The following ARHGAP24 variants were observed in gnomAD, a reference collection of about 807,000 sequenced individuals.
The protein encoded by ARHGAP24 is rho GTPase-activating protein 24.
A neutral mutation model predicts 76.4 loss-of-function variants in ARHGAP24; 50 were observed. The ratio of observed to expected loss-of-function variants is 0.65; its 90% CI spans 0.52 to 0.83. The LOEUF (loss-of-function observed/expected upper bound fraction) is 0.83, where lower values mean the gene tolerates loss of function less well. ARHGAP24 is among the 40% of genes least tolerant of loss of function. ARHGAP24 has a pLI of 0.00. For synonymous variants in ARHGAP24, 345 were observed against 323.3 expected (o/e 1.07, Z -0.72); for missense variants, 930 against 914.2 (o/e 1.02, Z -0.22).
At chr4:85,586,410 T>G (rs1200301673) in intron 2 of ARHGAP24, among the ~76,000 whole-genome samples, 3 of 152,234 alleles carry the variant, frequency 2.0e-5, no homozygotes, top group Non-Finnish European at 4.4e-5. Context: ...GAATACAGTT[T>G]CATGGTGACA....
At chr4:85,912,828 G>T (rs1448840045) in intron 3 of ARHGAP24, among the ~76,000 whole-genome samples, 2 of 152,020 alleles carry the variant, frequency 1.3e-5, no homozygotes, top group African/African-American at 2.4e-5. Flanking sequence ...CCCAGGTAGA[G>T]TTGTAAAGAA....
intron 3 of ARHGAP24, among the ~76,000 whole-genome samples, chr4:85,841,401 T>C (rs947573866): frequency 6.6e-6 from 1 of 152,228 alleles, no homozygotes; most frequent in Non-Finnish European, 1.5e-5. Context: ...TCTAAACTTA[T>C]CTTAGATAAG....
intron 2 of ARHGAP24, among the ~76,000 whole-genome samples, chr4:85,702,380 A>G (rs1417479047): frequency 2.0e-5 from 3 of 152,232 alleles, no homozygotes; most frequent in Non-Finnish European, 4.4e-5. Context: ...AGAATAATGC[A>G]TACCTTAAAA....
At chr4:85,568,108 C>T (rs1726920504) in intron 1 of ARHGAP24, among the ~76,000 whole-genome samples, 3 of 152,230 alleles carry the variant, frequency 2.0e-5, no homozygotes, top group Admixed American at 2.0e-4. Context: ...CTCACTAAGG[C>T]ATTAATGTAC....
chr4:85,796,204 A>ACG (rs1491283259), intron 3 of ARHGAP24, among the ~76,000 whole-genome samples: 1 of 27,804 alleles, frequency 3.6e-5, no homozygotes, highest in African/African-American at 1.1e-4. Context: ...TATACCTACT[A>ACG]CACACACACA....
rs116062172 is a variant in ARHGAP24 at position 85,644,609 on chromosome 4, G to T, written c.180+73888G>T. On this transcript the variant is annotated intron_variant, in intron 2 of 9. Transcript: ENST00000395184. ...GAATATATCATGTTAATCTTTATTT[G>T]ATATTAAAATAATTGTTAAGATTAC... Among the ~76,000 whole-genome samples the T allele has an allele frequency of 4.9e-3, 751 of 152,100 alleles. 5 individuals are homozygous for T. The highest frequency in any genetic ancestry group is 0.017 in the African/African-American group (713 of 41,516).
intron 3 of ARHGAP24, among the ~76,000 whole-genome samples, chr4:85,737,996 C>T (rs1430558173): frequency 6.6e-6 from 1 of 152,140 alleles, no homozygotes; most frequent in Admixed American, 6.5e-5. Flanking sequence ...TCTCGGCTCA[C>T]TGCAACCTCC....
intron 1 of ARHGAP24, among the ~76,000 whole-genome samples, chr4:85,553,133 CA>C (rs773466498): frequency 1.3e-5 from 2 of 152,040 alleles, no homozygotes; most frequent in Non-Finnish European, 2.9e-5. Context: ...TCATTCCTCC[CA>C]GTGGGTTTGT....
chr4:85,949,087 G>A (rs974524478), intron 5 of ARHGAP24, among the ~76,000 whole-genome samples: 4 of 152,132 alleles, frequency 2.6e-5, no homozygotes, highest in African/African-American at 4.8e-5. Flanking sequence ...CCAAGTTGCC[G>A]CAGTCGATAG....
intron 2 of ARHGAP24, among the ~76,000 whole-genome samples, chr4:85,598,072 A>G (rs376193147): frequency 2.0e-5 from 3 of 152,118 alleles, no homozygotes; most frequent in East Asian, 1.9e-4. Flanking sequence ...AAATTTTAGT[A>G]TATCATAAGA....
intron 6 of ARHGAP24, 27 bp downstream of exon 6, chr4:85,972,195 A>G (rs765978393): frequency 3.7e-6 from 6 of 1,611,922 alleles, no homozygotes; most frequent in Non-Finnish European, 5.1e-6. Flanking sequence ...ATTTCCAAAT[A>G]AGCTTTTGTT....
intron 3 of ARHGAP24, among the ~76,000 whole-genome samples, chr4:85,858,427 C>T (rs1001597664): frequency 6.6e-6 from 1 of 152,120 alleles, no homozygotes; most frequent in Non-Finnish European, 1.5e-5. Flanking sequence ...TAATGGGATA[C>T]TAGTAAATGG....
intron 2 of ARHGAP24, among the ~76,000 whole-genome samples, chr4:85,668,089 T>A (rs1315768538): frequency 6.6e-6 from 1 of 152,212 alleles, no homozygotes; most frequent in Non-Finnish European, 1.5e-5. Flanking sequence ...TGTGATCCCC[T>A]TCAGTTTAGT....
chr4:85,735,515 T>C (rs1725575095), intron 3 of ARHGAP24, among the ~76,000 whole-genome samples: 1 of 152,166 alleles, frequency 6.6e-6, no homozygotes, highest in South Asian at 2.1e-4. Flanking sequence ...CCCAGTTGAT[T>C]ACTCCTTTTT....
intron 1 of ARHGAP24, among the ~76,000 whole-genome samples, chr4:85,552,787 T>C (rs1197639275): frequency 6.6e-6 from 1 of 152,242 alleles, no homozygotes; most frequent in Admixed American, 6.5e-5. Context: ...TCTTTGTCTT[T>C]TTAAAAAATC....
chr4:85,884,981 G>T (rs1277991690), intron 3 of ARHGAP24, among the ~76,000 whole-genome samples: 1 of 152,072 alleles, frequency 6.6e-6, no homozygotes, highest in African/African-American at 2.4e-5. Flanking sequence ...AATGATGTAG[G>T]TCTTTTATGT....
chr4:85,649,080 A>G (rs899965960), intron 2 of ARHGAP24, among the ~76,000 whole-genome samples: 3 of 151,810 alleles, frequency 2.0e-5, no homozygotes, highest in Non-Finnish European at 4.4e-5. Context: ...GCAAAATGCT[A>G]CAAATGGCTA....
At chr4:85,607,336 G>A (rs566626250) in intron 2 of ARHGAP24, among the ~76,000 whole-genome samples, 2 of 151,330 alleles carry the variant, frequency 1.3e-5, no homozygotes, top group East Asian at 2.0e-4. Context: ...ACCAAGGATC[G>A]TCAAAAAGAA....
At chr4:85,730,199 C>G (rs535677582) in intron 3 of ARHGAP24, among the ~76,000 whole-genome samples, 1 of 152,156 alleles carries the variant, frequency 6.6e-6, no homozygotes, top group East Asian at 1.9e-4. Context: ...TAGATTCTGA[C>G]CAGAACTGAA....
Sources: allele counts gnomAD v4.1 joint callset (sites outside exome capture counted in the v4.1 genomes callset), GRCh38; gene constraint gnomAD v4.1.1; transcripts MANE v1.5; gene names NCBI Gene and HGNC (gene_info 2026-07-23, HGNC 2026-07-21).